Variants in IQSEC1 observed in about 807,000 individuals in gnomAD.
IQSEC1 encodes the protein IQ motif and SEC7 domain-containing protein 1.
Under a neutral mutation model 91.0 loss-of-function variants are expected in IQSEC1, and 31 were observed. The observed-to-expected ratio is 0.34, with a 90% CI of 0.26 to 0.46. The LOEUF (loss-of-function observed/expected upper bound fraction) is 0.46. Ranked by LOEUF, IQSEC1 falls within the 20% of genes least tolerant of loss-of-function variation. The pLI, the probability that IQSEC1 is intolerant of heterozygous loss-of-function variation, is 1.00. For missense variants in IQSEC1, 1,388 were observed against 1,575.6 expected (o/e 0.88, Z 2.02); for synonymous variants, 699 against 662.6 (o/e 1.05, Z -0.84).
chr3:13,249,426 C>T (rs988884038), intron 1 of IQSEC1, among the ~76,000 whole-genome samples: 1 of 152,000 alleles, frequency 6.6e-6, no homozygotes, highest in Non-Finnish European at 1.5e-5. Context: ...CCTGCCTCGG[C>T]CTCCCAAAGT....
chr3:13,258,433 C>T (rs1695327866), intron 1 of IQSEC1, among the ~76,000 whole-genome samples: 1 of 152,094 alleles, frequency 6.6e-6, no homozygotes, highest in African/African-American at 2.4e-5. Flanking sequence ...TGTAATCCTC[C>T]CACTTTGGAA....
At chr3:13,045,552 G>A (rs360737) in intron 1 of IQSEC1, among the ~76,000 whole-genome samples, 56,381 of 152,084 alleles carry the variant, frequency 0.37, 11,464 homozygotes, top group East Asian at 0.64. Flanking sequence ...GGCTCCATCC[G>A]ATGGAGGGCT....
intron 1 of IQSEC1, among the ~76,000 whole-genome samples, chr3:13,168,663 T>G (rs1342737834): frequency 6.6e-6 from 1 of 152,208 alleles, no homozygotes; most frequent in Non-Finnish European, 1.5e-5. Context: ...CCTTTCATTC[T>G]GCCCTCACAC....
In IQSEC1 at chr3:12,901,316, C is replaced by G. The variant is rs1364174336; in HGVS notation, c.3012G>C (p.Leu1004Phe). The G allele has an allele frequency of 6.6e-7, 1 of 1,511,420 alleles. No homozygotes were observed. The highest frequency in any genetic ancestry group is 1.4e-5 in the African/African-American group (1 of 70,062). The allele number at this position is 1,511,420 out of a possible 1,614,324, so 93.6% of individuals were successfully genotyped here. Residue 1004 changes from leucine to phenylalanine, a missense_variant, in exon 14 of 14, where the codon TTG becomes TTC. Physicochemically the swap from Leu to Phe is conservative, Grantham distance 22 (BLOSUM62 0). Coordinates refer to ENST00000613206, the MANE Select transcript of IQSEC1 (RefSeq NM_001134382.3). Reference sequence around the variant, plus strand: ...GGTGGTGGCCAGCCACAGAGTGCTGCAAGTGAGGCAGGACCACCGGTGGGT... The same window carrying G: ...GGTGGTGGCCAGCCACAGAGTGCTGGAAGTGAGGCAGGACCACCGGTGGGT... ...PPHPPVVLPH[L>F]QHSVAGHHLG...
chr3:13,039,867 T>C (rs1419128016), intron 1 of IQSEC1, among the ~76,000 whole-genome samples: 1 of 152,238 alleles, frequency 6.6e-6, no homozygotes, highest in Non-Finnish European at 1.5e-5. Context: ...GCTGGCAGCA[T>C]GCAGCCTCCA....
Position 12,936,452 on chromosome 3 carries a change from G to A in IQSEC1, c.564C>T (p.Asp188=), listed in dbSNP as rs575762365. ...FEGKQVSVTN[D]GSQLGALVSP... is the part of the protein sequence containing the mutation. ...ACACCAGGGCTCCCAGCTGGGAGCCGTCGTTAGTCACTGAGACCTGCTTCC... is the reference window on the plus strand; with the variant it reads ...ACACCAGGGCTCCCAGCTGGGAGCCATCGTTAGTCACTGAGACCTGCTTCC... The change falls in exon 3 of 14, where the codon GAC becomes GAT. Residue 188 remains aspartate (D), a synonymous_variant. Coordinates refer to ENST00000613206, the MANE Select transcript of IQSEC1 (RefSeq NM_001134382.3). 5.0e-5 allele frequency: 81 copies of A among 1,608,078 alleles called. No homozygotes were observed. In the South Asian group the frequency reaches 5.2e-4, roughly 10 times the overall value.
In IQSEC1 at chr3:13,137,029, G is replaced by C. The variant is rs141902771; in HGVS notation, c.302+27075C>G. On this transcript the variant is annotated intron_variant, in intron 2 of 15. Transcript: ENST00000648114. ...GCACATGCCTGTGGTCCCTGTATTC[G>C]GGAGGCTGAGGCAGGAGGATCGCTT... is the stretch of plus-strand genomic sequence containing the variant. 2.5e-3 allele frequency among the ~76,000 whole-genome samples: 373 copies of C among 152,240 alleles called. 2 individuals carry two copies. Among genetic ancestry groups the C allele is most frequent in the African/African-American group, 8.6e-3 (356 of 41,522 alleles).
chr3:13,255,909 T>C (rs1393587386), intron 1 of IQSEC1, among the ~76,000 whole-genome samples: 4 of 152,142 alleles, frequency 2.6e-5, no homozygotes, highest in African/African-American at 9.7e-5. Flanking sequence ...CAGGCAGCAA[T>C]GGGTGATGTC....
rs540538402 is a variant in IQSEC1, at chr3:13,130,932, AAAG to A, written c.302+33169_302+33171del. Among the ~76,000 whole-genome samples, 222 of 151,280 alleles carry A rather than the reference AAAG, an allele frequency of 1.5e-3. 1 individual carries two copies. The South Asian group carries it at 0.016, about 11-fold the overall frequency. On this transcript the variant is annotated intron_variant, in intron 2 of 15. Transcript: ENST00000648114. ...AATGAGACCATGTGTCAAAAAAAAAAAAGAAAAATAAGCAATAAAGGAAGGAAG... is the reference window on the plus strand; with the variant it reads ...AATGAGACCATGTGTCAAAAAAAAAAAAAAATAAGCAATAAAGGAAGGAAG...
In IQSEC1 at chr3:12,897,405, C is replaced by T. The variant is rs978848634; in HGVS notation, c.*3578G>A. 2.6e-5 allele frequency: 4 copies of T among 152,214 alleles called. No individual in the cohort carries two copies. Among genetic ancestry groups the T allele is most frequent in the African/African-American group, 9.7e-5 (4 of 41,444 alleles). The allele number at this position is 152,214 out of a possible 1,614,324, so 9.4% of individuals were successfully genotyped here. ...GTGTCCCTTGAAGTCTCTGAACAGTCTGGGGATTCAGGACCTGATTCTAAT... is the reference window on the plus strand; with the variant it reads ...GTGTCCCTTGAAGTCTCTGAACAGTTTGGGGATTCAGGACCTGATTCTAAT... On this transcript the variant is annotated 3_prime_UTR_variant, in exon 14 of 14. Coordinates refer to ENST00000613206, the MANE Select transcript of IQSEC1 (RefSeq NM_001134382.3).
chr3:12,920,231 G>C (rs1469289882), intron 6 of IQSEC1, among the ~76,000 whole-genome samples, 199 bp downstream of exon 6: 1 of 152,202 alleles, frequency 6.6e-6, no homozygotes, highest in African/African-American at 2.4e-5. Context: ...TGCAGCCTGT[G>C]TCCCACGGGG....
chr3:12,934,339 G>A (rs752448428), intron 3 of IQSEC1, among the ~76,000 whole-genome samples: 23 of 152,196 alleles, frequency 1.5e-4, no homozygotes, highest in Non-Finnish European at 3.1e-4. Flanking sequence ...CCTGAGACAG[G>A]CCTCTCTGAC....
At chr3:13,039,551 G>T (rs1381711290) in intron 1 of IQSEC1, among the ~76,000 whole-genome samples, 1 of 152,196 alleles carries the variant, frequency 6.6e-6, no homozygotes, top group Non-Finnish European at 1.5e-5. Flanking sequence ...TTTGGGTGAG[G>T]ACAGCCGCTT....
rs748053834 is a variant in IQSEC1 at position 12,908,327 on chromosome 3, T to C, written c.2755+22A>G. The C allele has an allele frequency of 6.2e-7, 1 of 1,608,626 alleles. No individual in the cohort carries two copies. Among genetic ancestry groups the C allele is most frequent in the South Asian group, 1.1e-5 (1 of 90,888 alleles). On this transcript the variant is annotated intron_variant, in intron 12 of 13. Coordinates refer to ENST00000613206, the MANE Select transcript of IQSEC1 (RefSeq NM_001134382.3). This position sits in a 1 kb window ranked among gnomAD's most constrained non-coding sequence, Gnocchi z 4.9. The stretch of plus-strand genomic sequence containing the variant: ...TCTTGCATGCGCTGGGCTAGCAAGG[T>C]GGTTCTAGGCCAAGCTCTTACCGGC...
intron 2 of IQSEC1, among the ~76,000 whole-genome samples, chr3:13,131,037 A>AAAGGAAGGAAGGACGGAAGGAAGGAAGG (rs1706606722): frequency 7.0e-6 from 1 of 143,792 alleles, no homozygotes; most frequent in Non-Finnish European, 1.5e-5. Flanking sequence ...GGAAGGAAGG[A>AAAGGAAGGAAGGACGGAAGGAAGGAAGG]AAGGAAGGAA....
Position 13,256,474 on chromosome 3 carries a change from C to T in IQSEC1, c.272+26237G>A, listed in dbSNP as rs910791062. ...AAGTACCAACTGTGGTTATAACCCA[C>T]GGCATCAGCCCCATCCTTATCCCCC... On this transcript the variant is annotated intron_variant, in intron 1 of 15. Coordinates refer to the IQSEC1 transcript ENST00000648114. 1.1e-4 allele frequency among the ~76,000 whole-genome samples: 16 copies of T among 152,302 alleles called. No homozygotes were observed. In the East Asian group the frequency reaches 1.5e-3, roughly 15 times the overall value.
intron 2 of IQSEC1, among the ~76,000 whole-genome samples, chr3:13,153,248 G>A (rs1707030128): frequency 1.3e-5 from 2 of 152,058 alleles, no homozygotes; most frequent in Admixed American, 6.5e-5. Flanking sequence ...CTGGTCCAGC[G>A]GAAGTTGAAG....
At chr3:13,113,506 A>G (rs1706285512) in intron 2 of IQSEC1, among the ~76,000 whole-genome samples, 1 of 152,222 alleles carries the variant, frequency 6.6e-6, no homozygotes, top group South Asian at 2.1e-4. Flanking sequence ...CTTGGCACAC[A>G]GCAAGAAGCC....
At chr3:12,913,302 AC>A (rs1695744370) in intron 9 of IQSEC1, 125 bp downstream of exon 9, 1 of 1,009,616 alleles carries the variant, frequency 9.9e-7, no homozygotes. Flanking sequence ...TGTGAAAGAC[AC>A]CAGGCAAACC....
Sources: gnomAD v4.1 joint callset for allele counts (sites outside exome capture counted in the v4.1 genomes callset) on GRCh38, gnomAD v4.1.1 for gene constraint, Gnocchi (gnomAD v3.1) non-coding constraint, MANE v1.5 for transcripts, NCBI Gene and HGNC (gene_info 2026-07-23, HGNC 2026-07-21) for gene names.